Variants in GLIS3 observed in about 807,000 individuals in gnomAD.
GLIS3 encodes the protein zinc finger protein GLIS3.
A neutral mutation model predicts 78.6 loss-of-function variants in GLIS3; 53 were observed. The observed-to-expected ratio is 0.67, with a 90% confidence interval of 0.54 to 0.85. The LOEUF is 0.85. GLIS3 is among the 40% of genes least tolerant of loss of function. The pLI is 0.00. For synonymous variants in GLIS3, 684 were observed against 509.9 expected, an observed-to-expected ratio of 1.34 and a Z score of -4.60; for missense variants, 1,703 against 1,231.1, an observed-to-expected ratio of 1.38 and a Z score of -5.74.
intron 4 of GLIS3, among the ~76,000 whole-genome samples, chr9:4,019,885 A>G (rs1822740789): frequency 6.6e-6 from 1 of 152,146 alleles, no homozygotes; most frequent in African/African-American, 2.4e-5. Flanking sequence ...AGCAACGACT[A>G]CAGGTGCATG....
intron 2 of GLIS3, among the ~76,000 whole-genome samples, chr9:4,329,399 T>TG (rs2065764634): frequency 6.6e-6 from 1 of 152,098 alleles, no homozygotes; most frequent in African/African-American, 2.4e-5. Context: ...TATTGACAAC[T>TG]GAAAAAAAAG....
intron 4 of GLIS3, among the ~76,000 whole-genome samples, chr9:4,011,863 C>T (rs1438873482): frequency 6.6e-6 from 1 of 151,860 alleles, no homozygotes; most frequent in Non-Finnish European, 1.5e-5. Context: ...TTTGACATAC[C>T]CGCCAAGAGA....
intron 2 of GLIS3, among the ~76,000 whole-genome samples, chr9:4,172,772 C>T (rs1816485748): frequency 1.3e-5 from 2 of 152,072 alleles, no homozygotes; most frequent in Non-Finnish European, 2.9e-5. Context: ...CTATGCAATA[C>T]CAATCACTGT....
At chr9:4,385,742 AAAG>A in the GLIS3 span, among the ~76,000 whole-genome samples, 3 of 28,198 alleles carry the variant, frequency 1.1e-4, 1 homozygote, top group Non-Finnish European at 2.0e-4. Context: ...AAAGAAAAAG[AAAG>A]AAAGAAAGAA....
At chr9:4,239,427 C>T (rs1421099399) in intron 2 of GLIS3, among the ~76,000 whole-genome samples, 2 of 151,690 alleles carry the variant, frequency 1.3e-5, no homozygotes, top group African/African-American at 4.8e-5. Flanking sequence ...ATTCGTATTC[C>T]AATGAACGAA....
the GLIS3 span, among the ~76,000 whole-genome samples, chr9:4,428,080 A>G: frequency 6.6e-6 from 1 of 152,134 alleles, no homozygotes; most frequent in Non-Finnish European, 1.5e-5. Flanking sequence ...AGTCAGAGGA[A>G]TAAACATGAG....
At chr9:4,428,927 T>C in the GLIS3 span, among the ~76,000 whole-genome samples, 1 of 152,158 alleles carries the variant, frequency 6.6e-6, no homozygotes, top group Non-Finnish European at 1.5e-5. Context: ...TACCAATTCA[T>C]CACTAAGGCT....
At chr9:4,116,416 C>A (rs1349787314) in intron 4 of GLIS3, among the ~76,000 whole-genome samples, 1 of 152,218 alleles carries the variant, frequency 6.6e-6, no homozygotes, top group Non-Finnish European at 1.5e-5. Context: ...TATAACCTGG[C>A]ATTCTCGCAA....
At chr9:4,162,172 C>G (rs1835532175) in intron 2 of GLIS3, among the ~76,000 whole-genome samples, 1 of 152,276 alleles carries the variant, frequency 6.6e-6, no homozygotes, top group African/African-American at 2.4e-5. Flanking sequence ...CCCTGTATGT[C>G]TTCTGTGTTC....
At chr9:4,349,768 T>C (rs531003856), upstream of GLIS3, among the ~76,000 whole-genome samples, 1 of 151,952 alleles carries the variant, frequency 6.6e-6, no homozygotes, top group East Asian at 1.9e-4. Flanking sequence ...AGGAAAAATA[T>C]CCGGGTACCA....
the GLIS3 span, among the ~76,000 whole-genome samples, chr9:4,398,382 T>C: frequency 6.6e-6 from 1 of 152,092 alleles, no homozygotes; most frequent in Admixed American, 6.5e-5. Flanking sequence ...AATCAGAATC[T>C]GCAATTTAAA....
chr9:4,253,698 C>T (rs942917339), intron 2 of GLIS3, among the ~76,000 whole-genome samples: 17 of 152,148 alleles, frequency 1.1e-4, no homozygotes, highest in Admixed American at 8.5e-4. Flanking sequence ...CCCAAACGGC[C>T]GCCCAGTTTT....
At chr9:4,147,457 G>C (rs561722471) in intron 2 of GLIS3, 25 of 152,274 alleles carry the variant, frequency 1.6e-4, no homozygotes, top group African/African-American at 5.5e-4. Flanking sequence ...TTGTGTACCT[G>C]TGTGGGTATA....
intron 4 of GLIS3, among the ~76,000 whole-genome samples, chr9:4,010,349 G>A (rs1408461513): frequency 6.6e-6 from 1 of 152,130 alleles, no homozygotes; most frequent in East Asian, 1.9e-4. Flanking sequence ...TCACTTTACA[G>A]GACAGTTGCA....
At chr9:4,366,554 G>A in the GLIS3 span, among the ~76,000 whole-genome samples, 2 of 152,066 alleles carry the variant, frequency 1.3e-5, no homozygotes, top group Non-Finnish European at 2.9e-5. Flanking sequence ...TCCATTCCAC[G>A]CAATTCATGA....
intron 6 of GLIS3, among the ~76,000 whole-genome samples, chr9:3,907,599 CCCCCAA>C (rs147877556): frequency 0.025 from 3,368 of 132,358 alleles, 59 homozygotes; most frequent in South Asian, 0.047. Flanking sequence ...CATCCTCCAC[CCCCCAA>C]ACACACACAC....
chr9:4,480,490 C>G, the GLIS3 span, among the ~76,000 whole-genome samples: 1 of 152,032 alleles, frequency 6.6e-6, no homozygotes, highest in African/African-American at 2.4e-5. Flanking sequence ...CATGGGCCAC[C>G]ATGCCCAGCC....
At chr9:4,308,610 G>A (rs1217859526) in intron 4 of GLIS3, among the ~76,000 whole-genome samples, 2 of 152,074 alleles carry the variant, frequency 1.3e-5, no homozygotes, top group Admixed American at 6.5e-5. Context: ...GTTCTCCTTA[G>A]AATACCCAGG....
chr9:4,167,862 C>T (rs762729595), intron 2 of GLIS3, among the ~76,000 whole-genome samples: 6 of 152,132 alleles, frequency 3.9e-5, no homozygotes, highest in African/African-American at 7.2e-5. Flanking sequence ...TTTCCTATTC[C>T]GAAGTGTTTG....
Sources: allele counts gnomAD v4.1 joint callset (sites outside exome capture counted in the v4.1 genomes callset), GRCh38; gene constraint gnomAD v4.1.1; transcripts MANE v1.5; gene names NCBI Gene and HGNC (gene_info 2026-07-23, HGNC 2026-07-21).